The following GPR158 variants were observed in gnomAD, a reference collection of about 807,000 sequenced individuals.
GPR158 encodes the protein metabotropic glycine receptor.
Under a neutral mutation model 78.2 loss-of-function variants are expected in GPR158, and 30 were observed. The ratio of observed to expected loss-of-function variants is 0.38; its 90% CI spans 0.29 to 0.52. The LOEUF is 0.52. Among genes scored for constraint, GPR158 ranks in the 20% least tolerant of loss-of-function variants. GPR158 has a pLI of 0.83. For synonymous variants in GPR158, 581 were observed against 591.1 expected (o/e 0.98, Z 0.25); for missense variants, 1,463 against 1,523.5 (o/e 0.96, Z 0.66).
At chr10:25,457,689 TAAC>T (rs755469107) in intron 4 of GPR158, among the ~76,000 whole-genome samples, 3 of 152,238 alleles carry the variant, frequency 2.0e-5, no homozygotes, top group Non-Finnish European at 4.4e-5. Flanking sequence ...AGAAGGCTGA[TAAC>T]AAGTGTTTGG....
chr10:25,289,793 T>C (rs2130763207), intron 2 of GPR158, among the ~76,000 whole-genome samples: 2 of 152,316 alleles, frequency 1.3e-5, no homozygotes, highest in East Asian at 3.9e-4. Context: ...TGTCATTGCT[T>C]TTAAGAAACA....
chr10:25,224,568 CTG>C (rs1474727818), intron 2 of GPR158, among the ~76,000 whole-genome samples: 6 of 151,742 alleles, frequency 4.0e-5, no homozygotes, highest in South Asian at 2.1e-4. Context: ...TTTAGTGAGA[CTG>C]TTATGATTAT....
rs145789344 is a variant in GPR158, at chr10:25,407,177, A to T, written c.1112-5073A>T. On this transcript the variant is annotated intron_variant, in intron 3 of 10. Transcript: ENST00000376351. The stretch of plus-strand genomic sequence containing the variant: ...TCTGCTTCCTGGGGACCAAGATGAA[A>T]ATACCAGCTTTAGCTGTTTCGTAGT... Among the ~76,000 whole-genome samples, 718 of 152,330 alleles carry T rather than the reference A, an allele frequency of 4.7e-3. 10 individuals are homozygous for T. Among genetic ancestry groups the T allele is most frequent in the African/African-American group, 0.016 (666 of 41,582 alleles).
intron 4 of GPR158, among the ~76,000 whole-genome samples, chr10:25,422,308 TA>T (rs1294047947): frequency 1.3e-5 from 2 of 152,168 alleles, no homozygotes; most frequent in Non-Finnish European, 2.9e-5. Flanking sequence ...GAGCCAGCAT[TA>T]CCACCTACGC....
intron 1 of GPR158, among the ~76,000 whole-genome samples, chr10:25,208,597 T>C (rs1198706770): frequency 6.7e-6 from 1 of 150,324 alleles, no homozygotes; most frequent in Non-Finnish European, 1.5e-5. Context: ...TGTGTGTGTG[T>C]GTGTGTGTAT....
rs1011215881 is a variant in GPR158 at position 25,521,039 on chromosome 10, C to T, written c.1405-29937C>T. On this transcript the variant is annotated intron_variant, in intron 5 of 10. Coordinates refer to ENST00000376351, the MANE Select transcript of GPR158 (RefSeq NM_020752.3). ...GAGACTCTGTGGGCGTAGGACCCTC[C>T]GAGCCAGGTGTGGGATATAGTCTCG... Among the ~76,000 whole-genome samples the T allele has an allele frequency of 3.3e-4, 51 of 152,338 alleles. No individual in the cohort carries two copies. In the South Asian group the frequency reaches 4.1e-3, roughly 12 times the overall value.
At chr10:25,524,617 C>T (rs1184509340) in intron 5 of GPR158, among the ~76,000 whole-genome samples, 2 of 152,118 alleles carry the variant, frequency 1.3e-5, no homozygotes, top group East Asian at 1.9e-4. Flanking sequence ...CTAGTTCATA[C>T]CACATATAAA....
At chr10:25,585,243 C>G (rs1359398764) in intron 7 of GPR158, among the ~76,000 whole-genome samples, 1 of 152,210 alleles carries the variant, frequency 6.6e-6, no homozygotes, top group Non-Finnish European at 1.5e-5. Context: ...ACAGAGTCTC[C>G]ATCTCTAATG....
At chr10:25,295,581 T>G (rs1041234179) in intron 2 of GPR158, among the ~76,000 whole-genome samples, 1 of 151,994 alleles carries the variant, frequency 6.6e-6, no homozygotes, top group Non-Finnish European at 1.5e-5. Flanking sequence ...GCCCGGCTAA[T>G]TTTTTGTATT....
At chr10:25,502,558 G>A (rs1215073578) in intron 5 of GPR158, among the ~76,000 whole-genome samples, 4 of 152,108 alleles carry the variant, frequency 2.6e-5, no homozygotes, top group Non-Finnish European at 4.4e-5. Flanking sequence ...TGTTCCTGCT[G>A]GGTAATGAAG....
intron 7 of GPR158, among the ~76,000 whole-genome samples, chr10:25,586,233 T>C (rs1309429717): frequency 1.3e-5 from 2 of 151,886 alleles, no homozygotes; most frequent in Non-Finnish European, 2.9e-5. Flanking sequence ...ACAGTAGAAG[T>C]CAAGGTCTAG....
intron 5 of GPR158, among the ~76,000 whole-genome samples, chr10:25,548,700 T>G (rs1836694798): frequency 6.6e-6 from 1 of 152,190 alleles, no homozygotes; most frequent in Admixed American, 6.6e-5. Flanking sequence ...ACCACCAGCT[T>G]TGCCTGAGGC....
chr10:25,203,649 T>A lies in GPR158; in HGVS notation c.903-17403T>A, dbSNP rs1852968383. On this transcript the variant is annotated intron_variant, in intron 1 of 10. Transcript: ENST00000376351. ...GGTACCAGTACCATGCTGTTTTTGG[T>A]TACTGTAGCCTTGTAGTATAGTTTG... Among the ~76,000 whole-genome samples, 2 of 145,440 alleles carry A rather than the reference T, an allele frequency of 1.4e-5. 1 individual carries two copies. Among genetic ancestry groups the A allele is most frequent in the Non-Finnish European group, 3.0e-5 (2 of 66,910 alleles).
chr10:25,431,170 A>AAC (rs1834898800), intron 4 of GPR158, among the ~76,000 whole-genome samples: 3 of 57,368 alleles, frequency 5.2e-5, no homozygotes, highest in African/African-American at 5.2e-5. Flanking sequence ...TTACAAGAAA[A>AAC]AAACAACCCC....
chr10:25,405,328 T>C (rs973822732), intron 3 of GPR158, among the ~76,000 whole-genome samples: 3 of 151,990 alleles, frequency 2.0e-5, no homozygotes, highest in Admixed American at 1.3e-4. Flanking sequence ...ATGTACTGCA[T>C]TTTTAATTGC....
chr10:25,390,749 G>A (rs942457492), intron 2 of GPR158, among the ~76,000 whole-genome samples: 6 of 152,248 alleles, frequency 3.9e-5, no homozygotes, highest in Non-Finnish European at 8.8e-5. Context: ...CATTTTCTGA[G>A]AAGAAATTCT....
intron 2 of GPR158, among the ~76,000 whole-genome samples, chr10:25,285,473 G>A (rs975718129): frequency 5.9e-5 from 9 of 152,152 alleles, no homozygotes; most frequent in African/African-American, 1.9e-4. Context: ...AACCAGGGAA[G>A]CCAATGGCCT....
At chr10:25,422,491 G>C (rs1834764323) in intron 4 of GPR158, among the ~76,000 whole-genome samples, 2 of 151,994 alleles carry the variant, frequency 1.3e-5, no homozygotes, top group Non-Finnish European at 2.9e-5. Context: ...TCTGTCCATG[G>C]AAAAATTATC....
chr10:25,325,555 T>C (rs1855018317), intron 2 of GPR158, among the ~76,000 whole-genome samples: 1 of 152,216 alleles, frequency 6.6e-6, no homozygotes, highest in Non-Finnish European at 1.5e-5. Flanking sequence ...TATTGGCTAC[T>C]GTGAATAATT....
Sources: gnomAD v4.1 joint callset for allele counts (sites outside exome capture counted in the v4.1 genomes callset) on GRCh38, gnomAD v4.1.1 for gene constraint, MANE v1.5 for transcripts, NCBI Gene and HGNC (gene_info 2026-07-23, HGNC 2026-07-21) for gene names.